KIFAP3: variants seen among roughly 807,000 people sequenced by gnomAD.
The protein encoded by KIFAP3 is kinesin-associated protein 3.
In KIFAP3, 68 loss-of-function variants were observed where a neutral mutation model predicts 106.5. The observed-to-expected ratio is 0.64, with a 90% CI of 0.53 to 0.78. KIFAP3 has a LOEUF of 0.78. Ranked by LOEUF, KIFAP3 falls within the 30% of genes least tolerant of loss-of-function variation. The pLI, the probability that KIFAP3 is intolerant of heterozygous loss-of-function variation, is 0.00. For missense variants in KIFAP3, 780 were observed against 941.8 expected, an observed-to-expected ratio of 0.83 and a Z score of 2.25; for synonymous variants, 320 against 311.5, an observed-to-expected ratio of 1.03 and a Z score of -0.29.
intron 14 of KIFAP3, 80 bp downstream of exon 14, chr1:169,982,622 C>G (rs1666583656): frequency 5.3e-6 from 5 of 950,848 alleles, no homozygotes; most frequent in Non-Finnish European, 7.5e-6. Context: ...AATAGTCACA[C>G]AATACTGCTC....
intron 19 of KIFAP3, among the ~76,000 whole-genome samples, chr1:169,944,368 G>A (rs1195429307): frequency 6.6e-6 from 1 of 152,166 alleles, no homozygotes; most frequent in East Asian, 1.9e-4. Flanking sequence ...TCTGGATGAG[G>A]GAAACACAGA....
chr1:169,936,367 G>C (rs1478353043), intron 19 of KIFAP3, among the ~76,000 whole-genome samples: 1 of 151,604 alleles, frequency 6.6e-6, no homozygotes, highest in Non-Finnish European at 1.5e-5. Flanking sequence ...ACATTTTTTA[G>C]GACTCTGATG....
At chr1:169,985,686 A>T (rs1455536867) in intron 11 of KIFAP3, among the ~76,000 whole-genome samples, 1 of 151,926 alleles carries the variant, frequency 6.6e-6, no homozygotes, top group Non-Finnish European at 1.5e-5. Context: ...TAATTTTAGG[A>T]ACTGGCATAT....
At chr1:170,084,424 A>T (rs1672070604) in intron 1 of KIFAP3, among the ~76,000 whole-genome samples, 1 of 152,238 alleles carries the variant, frequency 6.6e-6, no homozygotes, top group South Asian at 2.1e-4. Flanking sequence ...TATCAAATAC[A>T]GTTACTGCCT....
intron 16 of KIFAP3, among the ~76,000 whole-genome samples, chr1:169,973,046 TAAAAG>T (rs1404665594): frequency 5.1e-5 from 7 of 136,014 alleles, no homozygotes; most frequent in Admixed American, 1.6e-4. Flanking sequence ...CATTTTCACA[TAAAAG>T]AAAGCTGCAA....
chr1:170,039,299 ATT>A lies in KIFAP3; in HGVS notation c.320-13_320-12del. ...ATTTTTCTTTTTTCTCTGTAAAAAGATTTTTTTTTAATAAGGAGACTTAGGTT... is the reference window on the plus strand; with the variant it reads ...ATTTTTCTTTTTTCTCTGTAAAAAGATTTTTTTAATAAGGAGACTTAGGTT... On this transcript the variant is annotated splice_polypyrimidine_tract_variant and intron_variant, in intron 3 of 19. Transcript: ENST00000361580. The A allele has an allele frequency of 6.5e-7, 1 of 1,529,420 alleles. No individual in the cohort carries two copies. Among genetic ancestry groups the A allele is most frequent in the Non-Finnish European group, 9.0e-7 (1 of 1,115,590 alleles). 94.7% of individuals were successfully genotyped at this position (1,529,420 alleles called of 1,614,324 possible).
At chr1:169,992,605 T>C (rs939782814) in intron 10 of KIFAP3, among the ~76,000 whole-genome samples, 6 of 152,148 alleles carry the variant, frequency 3.9e-5, no homozygotes, top group Non-Finnish European at 5.9e-5. Context: ...AATACATTCA[T>C]TGACAGTGGT....
chr1:170,014,255 T>C (rs764568758), intron 10 of KIFAP3, among the ~76,000 whole-genome samples: 1 of 152,154 alleles, frequency 6.6e-6, no homozygotes, highest in Non-Finnish European at 1.5e-5. Context: ...CCACCATCAG[T>C]TGTAAGTACA....
chr1:170,046,278 C>T (rs1403209835), intron 3 of KIFAP3, among the ~76,000 whole-genome samples: 1 of 139,384 alleles, frequency 7.2e-6, no homozygotes, highest in Non-Finnish European at 1.5e-5. Flanking sequence ...TTAGGATAGT[C>T]TAAGGCATAT....
At chr1:169,941,408 T>C (rs1664104945) in intron 19 of KIFAP3, among the ~76,000 whole-genome samples, 1 of 152,186 alleles carries the variant, frequency 6.6e-6, no homozygotes, top group Non-Finnish European at 1.5e-5. Flanking sequence ...GAAACAGTCT[T>C]CTGAGTTCTC....
At chr1:170,009,283 C>T (rs1420965937) in intron 10 of KIFAP3, among the ~76,000 whole-genome samples, 1 of 151,908 alleles carries the variant, frequency 6.6e-6, no homozygotes, top group Admixed American at 6.6e-5. Context: ...ATTTTAAAAG[C>T]TGACATAAAA....
chr1:169,965,328 T>A (rs564611904), intron 17 of KIFAP3, among the ~76,000 whole-genome samples: 1 of 152,148 alleles, frequency 6.6e-6, no homozygotes, highest in Admixed American at 6.6e-5. Context: ...AGAAAAATCA[T>A]ACGATCTGAT....
chr1:169,982,162 CA>C, intron 14 of KIFAP3, 65 bp from the exon 15 acceptor site: 1 of 1,492,798 alleles, frequency 6.7e-7, no homozygotes, highest in Non-Finnish European at 9.2e-7. Context: ...TTTAGAGTAT[CA>C]AAATGTAAAT....
intron 17 of KIFAP3, among the ~76,000 whole-genome samples, chr1:169,962,161 C>T (rs1284531691): frequency 2.0e-5 from 3 of 152,098 alleles, no homozygotes; most frequent in Non-Finnish European, 4.4e-5. Flanking sequence ...ATTTTTGTTC[C>T]AACCACAAAT....
chr1:169,983,385 G>A lies in KIFAP3; in HGVS notation c.1394-3C>T. On this transcript the variant is annotated splice_region_variant and splice_polypyrimidine_tract_variant and intron_variant, in intron 12 of 19. Transcript: ENST00000361580. ...CATGAGCATCTTCAGCCCATTTCCT[G>A]AAACAGAAAAGTCCCCCAATAAAAT... The A allele has an allele frequency of 1.9e-6, 3 of 1,587,590 alleles. No individual in the cohort carries two copies. The highest frequency in any genetic ancestry group is 2.6e-6 in the Non-Finnish European group (3 of 1,162,428).
At position 169,951,487 on chromosome 1, in the gene KIFAP3, T is replaced by C. The variant is rs551523125; in HGVS notation, c.2273+2524A>G. On this transcript the variant is annotated intron_variant, in intron 19 of 19. Transcript: ENST00000361580. Reference sequence around the variant, plus strand: ...CATATTTTTACTTTTGAAAAGAAAGTAAAGGTACAAAGGTAAAAGGATTTT... The same window carrying C: ...CATATTTTTACTTTTGAAAAGAAAGCAAAGGTACAAAGGTAAAAGGATTTT... Among the ~76,000 whole-genome samples, 4 of 151,944 alleles carry C rather than the reference T, an allele frequency of 2.6e-5. No individual in the cohort carries two copies. The East Asian group carries it at 7.7e-4, about 29-fold the overall frequency.
At chr1:170,037,773 A>G (rs1669765763) in intron 5 of KIFAP3, among the ~76,000 whole-genome samples, 1 of 152,214 alleles carries the variant, frequency 6.6e-6, no homozygotes, top group Admixed American at 6.5e-5. Flanking sequence ...CCTGTCTCAA[A>G]AACAAAAACA....
At chr1:169,997,736 G>A (rs1239399081) in intron 10 of KIFAP3, among the ~76,000 whole-genome samples, 1 of 151,888 alleles carries the variant, frequency 6.6e-6, no homozygotes, top group African/African-American at 2.4e-5. Flanking sequence ...CAGGCATGAT[G>A]GCAGGTGCCT....
chr1:170,060,152 G>A (rs1671062026), intron 1 of KIFAP3, among the ~76,000 whole-genome samples: 2 of 152,246 alleles, frequency 1.3e-5, no homozygotes, highest in African/African-American at 2.4e-5. Flanking sequence ...ACATAGTGTT[G>A]GAAGTTCTGG....
Sources: gnomAD v4.1 joint callset for allele counts (sites outside exome capture counted in the v4.1 genomes callset) on GRCh38, gnomAD v4.1.1 for gene constraint, MANE v1.5 for transcripts, NCBI Gene and HGNC (gene_info 2026-07-23, HGNC 2026-07-21) for gene names.